ST8SIA2: variants seen among roughly 807,000 people sequenced by gnomAD.
The protein encoded by ST8SIA2 is alpha-2,8-sialyltransferase 8B.
In ST8SIA2, 22 loss-of-function variants were observed where a neutral mutation model predicts 37.6. That is an observed-to-expected ratio of 0.58 (90% CI 0.42 to 0.83). ST8SIA2 has a LOEUF of 0.83. ST8SIA2 is among the 40% of genes least tolerant of loss of function. The probability of loss-of-function intolerance (pLI) is 0.00; values close to 1 mark genes in which losing one functional copy is unlikely to be tolerated. For missense variants in ST8SIA2, 382 were observed against 484.7 expected (o/e 0.79, Z 1.99); for synonymous variants, 205 against 201.2 (o/e 1.02, Z -0.16).
At position 92,393,905 on chromosome 15, in the gene ST8SIA2, G is replaced by A. The variant is rs2049408285; in HGVS notation, c.-160G>A. On this transcript the variant is annotated 5_prime_UTR_variant, in exon 1 of 6. Coordinates refer to ENST00000268164, the MANE Select transcript of ST8SIA2 (RefSeq NM_006011.4). ...TGAGCAACCCCTGCCTGTCGCTGCC[G>A]CTGCCGCTGCCGCTGCCGCCGCCGG... The A allele has an allele frequency of 2.7e-5, 7 of 257,632 alleles. No homozygotes were observed. The South Asian group carries it at 8.8e-4, about 32-fold the overall frequency. The allele number at this position is 257,632 out of a possible 1,614,324, so 16.0% of individuals were successfully genotyped here. A position where few individuals can be genotyped will look rare whatever the true frequency, so the allele number is the denominator to read the frequency against.
intron 5 of ST8SIA2, among the ~76,000 whole-genome samples, chr15:92,445,554 G>A (rs78507569): frequency 0.037 from 5,577 of 152,220 alleles, 330 homozygotes; most frequent in African/African-American, 0.12. Context: ...TCAAAGGAGC[G>A]TCTCTTAGGA....
chr15:92,408,677 T>TTTTATTTA lies in ST8SIA2; in HGVS notation c.98+14554_98+14561dup, dbSNP rs58508323. 4.8e-3 allele frequency among the ~76,000 whole-genome samples: 591 copies of TTTTATTTA among 123,120 alleles called. 4 individuals carry two copies. The highest frequency in any genetic ancestry group is 6.1e-3 in the Non-Finnish European group (368 of 60,368). The allele number at this position is 123,120 out of a possible 152,430, so 80.8% of individuals were successfully genotyped here. A position where few individuals can be genotyped will look rare whatever the true frequency, so the allele number is the denominator to read the frequency against. ...TTTGAAATCCACTGAGTTCCATTTT[T>TTTTATTTA]TTTATTTATTTATTTATTTATTTAT... On this transcript the variant is annotated intron_variant, in intron 1 of 5. Transcript: ENST00000268164.
intron 1 of ST8SIA2, among the ~76,000 whole-genome samples, chr15:92,403,870 G>C (rs1157976811): frequency 2.6e-5 from 4 of 152,322 alleles, no homozygotes; most frequent in Non-Finnish European, 5.9e-5. Flanking sequence ...GAGAAGCAAA[G>C]AGAAGGGCAA....
At chr15:92,441,422 A>G (rs2141836653) in intron 4 of ST8SIA2, among the ~76,000 whole-genome samples, 1 of 152,304 alleles carries the variant, frequency 6.6e-6, no homozygotes, top group East Asian at 1.9e-4. Flanking sequence ...AGCAAGCGTC[A>G]GCTGCACAAA....
chr15:92,457,764 C>G (rs1392163492), intron 5 of ST8SIA2, among the ~76,000 whole-genome samples: 3 of 152,176 alleles, frequency 2.0e-5, no homozygotes, highest in Non-Finnish European at 4.4e-5. Context: ...GTGGCGCTCC[C>G]GTGTCCCTGT....
chr15:92,426,633 G>A (rs1051372782), intron 1 of ST8SIA2, among the ~76,000 whole-genome samples: 1 of 152,242 alleles, frequency 6.6e-6, no homozygotes, highest in Non-Finnish European at 1.5e-5. Flanking sequence ...CAGGGACTGG[G>A]GGTGGGGCTG....
chr15:92,420,766 G>T (rs1365081426), intron 1 of ST8SIA2: 1 of 152,212 alleles, frequency 6.6e-6, no homozygotes, highest in African/African-American at 2.4e-5. Flanking sequence ...CAATACCAGA[G>T]ATGGCAACTG....
intron 5 of ST8SIA2, among the ~76,000 whole-genome samples, chr15:92,458,363 G>C (rs1220570173): frequency 6.6e-6 from 1 of 152,206 alleles, no homozygotes; most frequent in Non-Finnish European, 1.5e-5. Context: ...TATCGGGCCA[G>C]AACTAGTCAC....
intron 1 of ST8SIA2, among the ~76,000 whole-genome samples, chr15:92,418,861 G>A (rs997990128): frequency 6.6e-6 from 1 of 152,176 alleles, no homozygotes; most frequent in Non-Finnish European, 1.5e-5. Context: ...CATTTTAAAT[G>A]AAGTCGTAAA....
intron 4 of ST8SIA2, among the ~76,000 whole-genome samples, chr15:92,444,225 C>T (rs2049824115): frequency 6.6e-6 from 1 of 152,168 alleles, no homozygotes; most frequent in Non-Finnish European, 1.5e-5. Flanking sequence ...CAGACTCACA[C>T]AGGTAGAAAG....
intron 4 of ST8SIA2, among the ~76,000 whole-genome samples, chr15:92,441,928 C>T (rs1290959817): frequency 6.6e-6 from 1 of 152,166 alleles, no homozygotes; most frequent in African/African-American, 2.4e-5. Flanking sequence ...GCCTCTCTCA[C>T]CCTGCAGAGT....
intron 1 of ST8SIA2, among the ~76,000 whole-genome samples, chr15:92,405,267 CT>C (rs2049499522): frequency 6.6e-6 from 1 of 152,194 alleles, no homozygotes; most frequent in African/African-American, 2.4e-5. Context: ...CATGAGGCAT[CT>C]GGAATGGTCA....
In ST8SIA2 at chr15:92,441,774, C is replaced by T. The variant is rs922602698; in HGVS notation, c.549-2862C>T. 4.6e-5 allele frequency among the ~76,000 whole-genome samples: 7 copies of T among 152,180 alleles called. No homozygotes were observed. In the South Asian group the frequency reaches 1.2e-3, roughly 27 times the overall value. The stretch of plus-strand genomic sequence containing the variant: ...TGTTTATTAACTTATTTAATTATCA[C>T]AGCTATTCTGTATGGAGCACTCTGT... On this transcript the variant is annotated intron_variant, in intron 4 of 5. Coordinates refer to ENST00000268164, the MANE Select transcript of ST8SIA2 (RefSeq NM_006011.4).
intron 1 of ST8SIA2, among the ~76,000 whole-genome samples, chr15:92,411,555 T>C (rs576370223): frequency 2.6e-5 from 4 of 152,178 alleles, no homozygotes; most frequent in Non-Finnish European, 5.9e-5. Flanking sequence ...CATGATCATT[T>C]TAAGAGGCTG....
At chr15:92,433,179 C>T (rs1397406271) in intron 2 of ST8SIA2, among the ~76,000 whole-genome samples, 1 of 151,882 alleles carries the variant, frequency 6.6e-6, no homozygotes, top group Admixed American at 6.6e-5. Context: ...GTTTAGAACT[C>T]ACTAACAGGA....
At chr15:92,454,508 C>T (rs1269162953) in intron 5 of ST8SIA2, among the ~76,000 whole-genome samples, 3 of 152,088 alleles carry the variant, frequency 2.0e-5, no homozygotes, top group African/African-American at 7.2e-5. Context: ...TAGATGGCCT[C>T]CCTTCCCACT....
chr15:92,466,363 C>T lies in ST8SIA2; in HGVS notation c.*1978C>T, dbSNP rs1256564560. On this transcript the variant is annotated 3_prime_UTR_variant, in exon 6 of 6. Coordinates refer to ENST00000268164, the MANE Select transcript of ST8SIA2 (RefSeq NM_006011.4). ...CTTTCATCTTGAGGATCTCAAAGACCGTAGAAGACATTTAATTTCTAAAGC... is the reference window on the plus strand; with the variant it reads ...CTTTCATCTTGAGGATCTCAAAGACTGTAGAAGACATTTAATTTCTAAAGC... 1 of 152,110 alleles carries T rather than the reference C, an allele frequency of 6.6e-6. No homozygotes were observed. The highest frequency in any genetic ancestry group is 1.5e-5 in the Non-Finnish European group (1 of 68,030). The allele number at this position is 152,110 out of a possible 1,614,324, so 9.4% of individuals were successfully genotyped here.
intron 1 of ST8SIA2, among the ~76,000 whole-genome samples, chr15:92,397,015 G>T (rs2049437042): frequency 1.3e-5 from 2 of 152,190 alleles, no homozygotes. Flanking sequence ...CCTGTGCTAG[G>T]GAGGATTACA....
chr15:92,452,535 C>A (rs569822942), intron 5 of ST8SIA2, among the ~76,000 whole-genome samples: 1 of 152,320 alleles, frequency 6.6e-6, no homozygotes, highest in Admixed American at 6.5e-5. Flanking sequence ...CAATGGTGAG[C>A]TTAATGTCAA....
Sources: allele counts gnomAD v4.1 joint callset (sites outside exome capture counted in the v4.1 genomes callset), GRCh38; gene constraint gnomAD v4.1.1; transcripts MANE v1.5; gene names NCBI Gene and HGNC (gene_info 2026-07-23, HGNC 2026-07-21).